Variants in ABR observed in about 807,000 individuals in gnomAD.
ABR encodes ABR activator of RhoGEF and GTPase.
ABR carries 35 observed loss-of-function variants against 107.2 expected under a neutral mutation model. That is an observed-to-expected ratio of 0.33 (90% CI 0.25 to 0.43). The LOEUF is 0.43. Among genes scored for constraint, ABR ranks in the 20% least tolerant of loss-of-function variants. The probability of loss-of-function intolerance (pLI) is 1.00; values close to 1 mark genes in which losing one functional copy is unlikely to be tolerated. For synonymous variants in ABR, 498 were observed against 462.0 expected (o/e 1.08, Z -1.00); for missense variants, 815 against 1,115.2 (o/e 0.73, Z 3.83).
At chr17:1,228,548 G>C (rs1391598395) in intron 1 of ABR, among the ~76,000 whole-genome samples, 2 of 152,258 alleles carry the variant, frequency 1.3e-5, no homozygotes, top group Admixed American at 6.5e-5. Context: ...CCCGGGCGCC[G>C]GCCCTGCCGC....
chr17:1,042,042 G>T (rs1279635076), intron 16 of ABR, among the ~76,000 whole-genome samples: 1 of 152,212 alleles, frequency 6.6e-6, no homozygotes, highest in African/African-American at 2.4e-5. Context: ...CTGGGAGGCA[G>T]GTGGGGGACA....
chr17:1,144,719 C>G (rs968629567), intron 1 of ABR, among the ~76,000 whole-genome samples: 2 of 152,010 alleles, frequency 1.3e-5, no homozygotes, highest in African/African-American at 4.8e-5. Flanking sequence ...TGGTGAAGCC[C>G]CGTCTCTACT....
At chr17:1,152,540 G>A (rs1359180138) in intron 1 of ABR, among the ~76,000 whole-genome samples, 5 of 151,472 alleles carry the variant, frequency 3.3e-5, no homozygotes, top group East Asian at 1.9e-4. Context: ...ACAGTGAGCC[G>A]AGATCGCGCC....
intron 16 of ABR, among the ~76,000 whole-genome samples, chr17:1,035,841 G>A (rs1159905153): frequency 2.0e-5 from 3 of 150,622 alleles, no homozygotes; most frequent in African/African-American, 7.3e-5. Context: ...ACGTGGGTGG[G>A]ACCCCGCATT....
At position 1,005,844 on chromosome 17, in the gene ABR, C is replaced by T. The variant is rs1203824605; in HGVS notation, c.*236G>A. The T allele has an allele frequency of 1.7e-6, 1 of 579,168 alleles. No homozygotes were observed. The highest frequency in any genetic ancestry group is 2.9e-5 in the East Asian group (1 of 34,576). 35.9% of individuals were successfully genotyped at this position (579,168 alleles called of 1,614,324 possible). ...TTCCCGAACAGCACGGAGCATCAGA[C>T]ACAACTAGAGGTATGGAGGGCAGGA... On this transcript the variant is annotated 3_prime_UTR_variant, in exon 23 of 23. Coordinates refer to ENST00000302538, the MANE Select transcript of ABR (RefSeq NM_021962.5).
At chr17:1,226,530 AGT>A (rs1433133956) in intron 1 of ABR, among the ~76,000 whole-genome samples, 3 of 148,724 alleles carry the variant, frequency 2.0e-5, no homozygotes, top group East Asian at 2.0e-4. Context: ...TGTATGTGAC[AGT>A]GTGCCATGTA....
At chr17:1,049,955 A>T in intron 16 of ABR, 95 bp downstream of exon 16, 1 of 1,493,694 alleles carries the variant, frequency 6.7e-7, no homozygotes, top group African/African-American at 1.4e-5. Context: ...TGGAACCAAA[A>T]TCACGAAAGA....
chr17:1,082,059 T>C (rs2036275162), intron 5 of ABR, among the ~76,000 whole-genome samples: 1 of 152,056 alleles, frequency 6.6e-6, no homozygotes, highest in Non-Finnish European at 1.5e-5. Flanking sequence ...CCGTCACCCC[T>C]GAAGTTTCAG....
rs755823183 is a variant in ABR, at chr17:1,012,531, C to T, written c.1961+157G>A. 20 of 705,860 alleles carry T rather than the reference C, an allele frequency of 2.8e-5. No homozygotes were observed. In the East Asian group the frequency reaches 3.0e-4, roughly 10 times the overall value. 43.7% of individuals were successfully genotyped at this position (705,860 alleles called of 1,614,324 possible). Reference sequence around the variant, plus strand: ...CTGAAGTGTCCTGTGAGCGCCTCTGCGGCCACTCTAGATCCACACCGGCCA... The same window carrying T: ...CTGAAGTGTCCTGTGAGCGCCTCTGTGGCCACTCTAGATCCACACCGGCCA... On this transcript the variant is annotated intron_variant, in intron 18 of 22. Coordinates refer to ENST00000302538, the MANE Select transcript of ABR (RefSeq NM_021962.5).
chr17:1,114,977 T>A (rs1180272641), intron 2 of ABR, among the ~76,000 whole-genome samples: 3 of 151,968 alleles, frequency 2.0e-5, no homozygotes, highest in Non-Finnish European at 4.4e-5. Context: ...ACCGACAAAA[T>A]CTCTCTCTCG....
intron 2 of ABR, among the ~76,000 whole-genome samples, chr17:1,117,604 C>T (rs1446579145): frequency 5.6e-5 from 1 of 17,884 alleles, no homozygotes; most frequent in Admixed American, 5.9e-4. Context: ...TCCCTGAGCC[C>T]GAGTTCCTCC....
chr17:1,073,006 C>A (rs1258661463), intron 7 of ABR, among the ~76,000 whole-genome samples: 1 of 151,886 alleles, frequency 6.6e-6, no homozygotes, highest in African/African-American at 2.4e-5. Context: ...GTGGTGAAAC[C>A]CCATCTCTAG....
intron 1 of ABR, among the ~76,000 whole-genome samples, chr17:1,135,264 C>T (rs2040007777): frequency 6.6e-6 from 1 of 152,192 alleles, no homozygotes; most frequent in Non-Finnish European, 1.5e-5. Context: ...AGCCGAGAGC[C>T]GTGCAGGACT....
intron 1 of ABR, among the ~76,000 whole-genome samples, chr17:1,223,112 G>C (rs2043148216): frequency 2.0e-5 from 3 of 151,572 alleles, no homozygotes; most frequent in African/African-American, 7.3e-5. Flanking sequence ...TGAGGCTGGA[G>C]AATTGCTTGA....
At chr17:1,040,909 CAAG>C (rs2030307580) in intron 16 of ABR, among the ~76,000 whole-genome samples, 1 of 152,160 alleles carries the variant, frequency 6.6e-6, no homozygotes, top group African/African-American at 2.4e-5. Context: ...GCTAACGATC[CAAG>C]TTCTCGTTTT....
At chr17:1,206,905 T>A (rs531975502) in intron 1 of ABR, among the ~76,000 whole-genome samples, 1 of 151,624 alleles carries the variant, frequency 6.6e-6, no homozygotes, top group African/African-American at 2.4e-5. Context: ...GCCAACATGG[T>A]AAAACCCCGT....
At chr17:1,073,371 G>C (rs975153508) in intron 7 of ABR, among the ~76,000 whole-genome samples, 1 of 152,090 alleles carries the variant, frequency 6.6e-6, no homozygotes, top group Non-Finnish European at 1.5e-5. Context: ...TGGAGACCAG[G>C]AGGCAGCGGG....
At chr17:1,228,927 C>A (rs2043277545) in exon 1 of ABR, 2 of 151,624 alleles carry the variant, frequency 1.3e-5, no homozygotes, top group Admixed American at 6.6e-5. Flanking sequence ...CAGGTGCTCG[C>A]GCCCGGGGGT....
intron 1 of ABR, among the ~76,000 whole-genome samples, chr17:1,146,620 TGCCACCACTGCCACA>T (rs2040539317): frequency 1.2e-4 from 4 of 32,234 alleles, no homozygotes; most frequent in Admixed American, 1.1e-3. Flanking sequence ...ATGACACCAC[TGCCACCACTGCCACA>T]TGCCACCACT....
Sources: allele counts gnomAD v4.1 joint callset (sites outside exome capture counted in the v4.1 genomes callset), GRCh38; gene constraint gnomAD v4.1.1; transcripts MANE v1.5; gene names NCBI Gene and HGNC (gene_info 2026-07-23, HGNC 2026-07-21).